Variants in ORC4 observed in about 807,000 individuals in gnomAD.
ORC4 encodes the protein origin recognition complex, subunit 4 homolog.
A neutral mutation model predicts 63.9 loss-of-function variants in ORC4; 55 were observed. The observed-to-expected ratio is 0.86, with a 90% CI of 0.69 to 1.08. ORC4 has a LOEUF of 1.08. Ranked by LOEUF, ORC4 falls within the 50% of genes least tolerant of loss-of-function variation. The pLI, the probability that ORC4 is intolerant of heterozygous loss-of-function variation, is 0.00. For synonymous variants in ORC4, 150 were observed against 168.5 expected (o/e 0.89, Z 0.85); for missense variants, 511 against 504.4 (o/e 1.01, Z -0.13).
At chr2:147,984,246 T>G (rs1427173205) in intron 1 of ORC4, among the ~76,000 whole-genome samples, 1 of 152,140 alleles carries the variant, frequency 6.6e-6, no homozygotes, top group East Asian at 1.9e-4. Flanking sequence ...CCCCTCCTCT[T>G]CCTCCTCAGC....
chr2:148,021,482 T>A, upstream of ORC4: 1 of 564,796 alleles, frequency 1.8e-6, no homozygotes. Context: ...CTGCTGCTGT[T>A]GCTGCTGCTG....
intron 1 of ORC4, among the ~76,000 whole-genome samples, chr2:148,018,798 C>A (rs931757003): frequency 3.3e-5 from 5 of 152,190 alleles, no homozygotes; most frequent in Admixed American, 3.3e-4. Context: ...AAATGATTGC[C>A]ATAAAAATCA....
intron 1 of ORC4, among the ~76,000 whole-genome samples, chr2:148,012,444 C>G (rs1346612080): frequency 6.6e-6 from 1 of 151,950 alleles, no homozygotes; most frequent in Admixed American, 6.6e-5. Context: ...ATACAAAAAT[C>G]AAAGAAAAAT....
At chr2:148,006,178 G>C (rs897648388) in intron 1 of ORC4, among the ~76,000 whole-genome samples, 5 of 152,186 alleles carry the variant, frequency 3.3e-5, no homozygotes, top group Non-Finnish European at 7.3e-5. Flanking sequence ...TTGGGAGAGA[G>C]AGCGAAAGTA....
At chr2:148,009,359 G>A (rs750510461) in intron 1 of ORC4, among the ~76,000 whole-genome samples, 3 of 151,874 alleles carry the variant, frequency 2.0e-5, no homozygotes, top group Middle Eastern at 6.8e-3. Context: ...TAAAAACATA[G>A]ACTAACAACA....
intron 1 of ORC4, among the ~76,000 whole-genome samples, chr2:147,983,714 T>G (rs1691023002): frequency 1.3e-5 from 2 of 152,252 alleles, no homozygotes; most frequent in South Asian, 4.1e-4. Flanking sequence ...AAATTTCTGC[T>G]GAAGAAATCT....
intron 1 of ORC4, among the ~76,000 whole-genome samples, chr2:147,995,524 G>C (rs1691910126): frequency 6.6e-6 from 1 of 152,082 alleles, no homozygotes; most frequent in Admixed American, 6.5e-5. Flanking sequence ...CTTCACAATA[G>C]ATCTTGCTGC....
At chr2:147,963,160 C>T (rs562401515) in intron 4 of ORC4, among the ~76,000 whole-genome samples, 166 of 152,276 alleles carry the variant, frequency 1.1e-3, no homozygotes, top group African/African-American at 3.8e-3. Context: ...GCCCACGTCG[C>T]TAACCTGAGA....
chr2:148,003,686 T>C (rs1029438046), intron 1 of ORC4, among the ~76,000 whole-genome samples: 2 of 152,198 alleles, frequency 1.3e-5, no homozygotes, highest in African/African-American at 2.4e-5. Context: ...AAGCATTCCC[T>C]TTGAAAACCG....
intron 1 of ORC4, among the ~76,000 whole-genome samples, chr2:147,994,257 C>T (rs750446243): frequency 6.6e-6 from 1 of 152,096 alleles, no homozygotes; most frequent in South Asian, 2.1e-4. Context: ...GAAAAAAATT[C>T]GTATTGTTAA....
chr2:148,020,342 C>A (rs1275639067), intron 1 of ORC4, among the ~76,000 whole-genome samples: 1 of 152,194 alleles, frequency 6.6e-6, no homozygotes, highest in Non-Finnish European at 1.5e-5. Context: ...TTCTCTCTTA[C>A]ACTCGGACCG....
intron 8 of ORC4, chr2:147,951,440 C>T (rs1379817364): frequency 6.6e-6 from 1 of 152,154 alleles, no homozygotes; most frequent in African/African-American, 2.4e-5. Context: ...TTAATGCCTT[C>T]TTACTGGAGT....
chr2:147,961,892 GAAC>G (rs1689615205), intron 4 of ORC4, among the ~76,000 whole-genome samples: 1 of 152,086 alleles, frequency 6.6e-6, no homozygotes, highest in African/African-American at 2.4e-5. Flanking sequence ...ACGTGGAAGG[GAAC>G]AACAAGCAGA....
chr2:147,958,897 A>G (rs1689421235), intron 4 of ORC4, 31 bp from the exon 5 acceptor site: 1 of 896,898 alleles, frequency 1.1e-6, no homozygotes, highest in Non-Finnish European at 1.8e-6. Context: ...AAATAATAAT[A>G]GGTAAAAGAT....
intron 9 of ORC4, among the ~76,000 whole-genome samples, chr2:147,946,179 A>G (rs1688649863): frequency 6.6e-6 from 1 of 151,998 alleles, no homozygotes; most frequent in Non-Finnish European, 1.5e-5. Flanking sequence ...TTATTTATAG[A>G]CTCAATTTGA....
At position 147,964,669 on chromosome 2, in the gene ORC4, T is replaced by C. The variant is rs915398496; in HGVS notation, c.226-5803A>G. Among the ~76,000 whole-genome samples, 3 of 152,266 alleles carry C rather than the reference T, an allele frequency of 2.0e-5. No individual in the cohort carries two copies. In the East Asian group the frequency reaches 5.8e-4, roughly 29 times the overall value. ...CAAATTGTTAAAAGTCACAGACAAA[T>C]AATTAAAGCAGCAAAAGTAAAGTGT... On this transcript the variant is annotated intron_variant, in intron 4 of 13. Coordinates refer to ENST00000392857, the MANE Select transcript of ORC4 (RefSeq NM_181741.4).
At chr2:147,983,183 C>T (rs1274901393) in intron 1 of ORC4, among the ~76,000 whole-genome samples, 1 of 152,194 alleles carries the variant, frequency 6.6e-6, no homozygotes, top group Non-Finnish European at 1.5e-5. Context: ...ACTACAAATA[C>T]TCTTACCAAG....
chr2:147,965,012 A>C (rs1465696970), intron 4 of ORC4, among the ~76,000 whole-genome samples: 1 of 152,134 alleles, frequency 6.6e-6, no homozygotes. Context: ...ACAAGCAAAA[A>C]CTAAAGCAAT....
chr2:147,935,604 A>G lies in ORC4; in HGVS notation c.1217T>C (p.Leu406Ser), dbSNP rs2105247131. The G allele has an allele frequency of 6.2e-7, 1 of 1,613,706 alleles. No homozygotes were observed. Among genetic ancestry groups the G allele is most frequent in the East Asian group, 2.2e-5 (1 of 44,846 alleles). Reference sequence around the variant, plus strand: ...AGCATTCATAATTTGAGTATTATCCAAAAGCAGTTTCATCAGCTGGTACTC... The same window carrying G: ...AGCATTCATAATTTGAGTATTATCCGAAAGCAGTTTCATCAGCTGGTACTC... Reference protein sequence around the residue: ...QREYQLMKLLLDNTQIMNALQ... With the variant: ...QREYQLMKLLSDNTQIMNALQ... The change falls in exon 14 of 14, where the codon TTG (leucine) becomes TCG (serine). Residue 406 changes from leucine to serine, a missense_variant. By Grantham distance (145) the Leu-to-Ser change is moderately radical (BLOSUM62 -2). Coordinates refer to ENST00000392857, the MANE Select transcript of ORC4 (RefSeq NM_181741.4).
Sources: gnomAD v4.1 joint callset for allele counts (sites outside exome capture counted in the v4.1 genomes callset) on GRCh38, gnomAD v4.1.1 for gene constraint, MANE v1.5 for transcripts, NCBI Gene and HGNC (gene_info 2026-07-23, HGNC 2026-07-21) for gene names.